The following DRC8 variants were observed in gnomAD, a reference collection of about 807,000 sequenced individuals.
The protein encoded by DRC8 is dynein regulatory complex subunit 8.
chr1:244,981,566 C>T, the DRC8 span, among the ~76,000 whole-genome samples: 1 of 152,178 alleles, frequency 6.6e-6, no homozygotes, highest in East Asian at 1.9e-4. Context: ...ATAGGTAAAG[C>T]AGCCTTCCAG....
At chr1:245,097,744 C>T in the DRC8 span, among the ~76,000 whole-genome samples, 1 of 151,976 alleles carries the variant, frequency 6.6e-6, no homozygotes, top group African/African-American at 2.4e-5. The surrounding 1 kb of genome is among the most constrained non-coding windows in gnomAD (Gnocchi z 5.0). Context: ...TGGAAGTCCC[C>T]TCTAAGGAGG....
At chr1:245,034,850 A>G in the DRC8 span, among the ~76,000 whole-genome samples, 3 of 132,068 alleles carry the variant, frequency 2.3e-5, no homozygotes, top group African/African-American at 8.3e-5. Context: ...GTAGGAACCA[A>G]TAAATGAAAG....
At chr1:245,061,544 A>G in the DRC8 span, among the ~76,000 whole-genome samples, 8 of 152,308 alleles carry the variant, frequency 5.3e-5, no homozygotes, top group East Asian at 1.5e-3. Flanking sequence ...CTACTGATAA[A>G]CAGCTTTGGG....
the DRC8 span, among the ~76,000 whole-genome samples, chr1:245,076,883 T>C: frequency 3.9e-5 from 6 of 152,188 alleles, no homozygotes; most frequent in South Asian, 8.3e-4. Flanking sequence ...CACACCACCA[T>C]GTCCAGCTAA....
At chr1:245,086,501 A>G in the DRC8 span, among the ~76,000 whole-genome samples, 1 of 152,366 alleles carries the variant, frequency 6.6e-6, no homozygotes. Context: ...GCATTCCTAC[A>G]GCCCTGGATG....
chr1:245,111,967 G>A, the DRC8 span, among the ~76,000 whole-genome samples: 6 of 152,238 alleles, frequency 3.9e-5, no homozygotes, highest in Admixed American at 3.3e-4. Flanking sequence ...CTAGGAAGTT[G>A]AGGCTGCAGT....
At chr1:245,115,247 C>T in the DRC8 span, among the ~76,000 whole-genome samples, 16 of 151,694 alleles carry the variant, frequency 1.1e-4, no homozygotes, top group African/African-American at 3.9e-4. Flanking sequence ...GGGGTTTCAC[C>T]ATGTTGCCCA....
chr1:245,075,251 G>T, the DRC8 span, among the ~76,000 whole-genome samples: 2 of 152,040 alleles, frequency 1.3e-5, no homozygotes, highest in Non-Finnish European at 2.9e-5. Flanking sequence ...AACACCTGCC[G>T]GACCCTGACG....
At chr1:245,105,151 A>G in the DRC8 span, among the ~76,000 whole-genome samples, 6 of 152,108 alleles carry the variant, frequency 3.9e-5, no homozygotes, top group Non-Finnish European at 7.4e-5. Context: ...TTCCTTGCAA[A>G]TCAACTTCAT....
At chr1:244,975,984 G>A in the DRC8 span, among the ~76,000 whole-genome samples, 1 of 151,964 alleles carries the variant, frequency 6.6e-6, no homozygotes. Context: ...AAACATAAGA[G>A]TTGGCCAGGC....
At chr1:244,979,208 T>C in the DRC8 span, among the ~76,000 whole-genome samples, 1 of 151,552 alleles carries the variant, frequency 6.6e-6, no homozygotes, top group Admixed American at 6.6e-5. Context: ...TGCTCATGCA[T>C]ATACCCAGAG....
At chr1:245,014,007 G>A in the DRC8 span, among the ~76,000 whole-genome samples, 12 of 144,822 alleles carry the variant, frequency 8.3e-5, no homozygotes, top group Admixed American at 7.7e-4. Flanking sequence ...ACTCCAGCCT[G>A]GGCGACATGG....
At chr1:245,114,230 C>T in the DRC8 span, among the ~76,000 whole-genome samples, 4 of 151,776 alleles carry the variant, frequency 2.6e-5, no homozygotes, top group Non-Finnish European at 4.4e-5. Context: ...TTTGGGAGGC[C>T]GAGGCAGGCG....
the DRC8 span, among the ~76,000 whole-genome samples, chr1:245,067,851 T>C: frequency 6.6e-6 from 1 of 152,202 alleles, no homozygotes; most frequent in Middle Eastern, 3.2e-3. Context: ...AAGTAGTTGG[T>C]GATATGAAAT....
At chr1:244,990,582 T>G in the DRC8 span, among the ~76,000 whole-genome samples, 4 of 152,318 alleles carry the variant, frequency 2.6e-5, no homozygotes, top group South Asian at 8.3e-4. Context: ...TGTTTCAGCT[T>G]TGGCCATTGG....
the DRC8 span, chr1:245,086,751 C>G: frequency 1.9e-6 from 1 of 533,354 alleles, no homozygotes; most frequent in African/African-American, 1.9e-5. Flanking sequence ...GTTATCACCC[C>G]CATTCTAGAG....
the DRC8 span, among the ~76,000 whole-genome samples, chr1:245,093,904 T>C: frequency 6.6e-6 from 1 of 152,138 alleles, no homozygotes; most frequent in South Asian, 2.1e-4. Flanking sequence ...TTTTCAGCTA[T>C]TAGTAAGAAA....
the DRC8 span, among the ~76,000 whole-genome samples, chr1:245,088,301 TTC>T: frequency 8.3e-6 from 1 of 120,488 alleles, no homozygotes. This position sits in a 1 kb window ranked among gnomAD's most constrained non-coding sequence, Gnocchi z 4.6. Flanking sequence ...AACTTAGATA[TTC>T]TGTTATAACA....
At chr1:245,070,012 T>A in the DRC8 span, among the ~76,000 whole-genome samples, 2,037 of 151,946 alleles carry the variant, frequency 0.013, 91 homozygotes, top group East Asian at 0.14. Context: ...ACCACCACAC[T>A]CCAGCCTGGG....
Sources: allele counts gnomAD v4.1 joint callset (sites outside exome capture counted in the v4.1 genomes callset), GRCh38; gene constraint gnomAD v4.1.1; non-coding constraint Gnocchi (gnomAD v3.1); transcripts MANE v1.5; gene names NCBI Gene and HGNC (gene_info 2026-07-23, HGNC 2026-07-21).